The following CSMD2 variants were observed in gnomAD, a reference collection of about 807,000 sequenced individuals.
The protein encoded by CSMD2 is CUB and Sushi multiple domains 2.
In CSMD2, 130 loss-of-function variants were observed where a neutral mutation model predicts 398.5. The observed-to-expected ratio is 0.33, with a 90% confidence interval of 0.28 to 0.38. The LOEUF is 0.38. Among genes scored for constraint, CSMD2 ranks in the 10% least tolerant of loss-of-function variants. The pLI is 1.00. For missense variants in CSMD2, 3,829 were observed against 4,764.9 expected, an observed-to-expected ratio of 0.80 and a Z score of 5.78; for synonymous variants, 1,828 against 1,908.5, an observed-to-expected ratio of 0.96 and a Z score of 1.10.
chr1:34,015,827 C>T (rs1162255021), intron 3 of CSMD2, among the ~76,000 whole-genome samples: 1 of 152,188 alleles, frequency 6.6e-6, no homozygotes, highest in African/African-American at 2.4e-5. Flanking sequence ...TAGAAAGCAT[C>T]TAGAGCAAGC....
chr1:33,654,566 G>A (rs1643892923), intron 27 of CSMD2, among the ~76,000 whole-genome samples: 1 of 152,218 alleles, frequency 6.6e-6, no homozygotes, highest in African/African-American at 2.4e-5. Context: ...AATCCTTCAG[G>A]AGCAGAGGGC....
At chr1:33,707,618 T>A (rs530426405) in intron 22 of CSMD2, among the ~76,000 whole-genome samples, 2 of 152,098 alleles carry the variant, frequency 1.3e-5, no homozygotes, top group East Asian at 3.9e-4. Flanking sequence ...CATGAGTGAA[T>A]CTTCTTGGGT....
At chr1:33,961,971 T>C (rs1645377421) in intron 3 of CSMD2, among the ~76,000 whole-genome samples, 1 of 148,332 alleles carries the variant, frequency 6.7e-6, no homozygotes, top group Admixed American at 6.6e-5. Flanking sequence ...TATTAAGACT[T>C]GGGGATGTTG....
chr1:33,679,526 C>T (rs576960371), intron 25 of CSMD2, among the ~76,000 whole-genome samples: 1 of 152,260 alleles, frequency 6.6e-6, no homozygotes, highest in Non-Finnish European at 1.5e-5. Context: ...AGAGAGCTAA[C>T]TTGGTGACCT....
intron 40 of CSMD2, 45 bp downstream of exon 40, chr1:33,614,459 G>T: frequency 8.8e-7 from 1 of 1,137,824 alleles, no homozygotes; most frequent in Non-Finnish European, 1.3e-6. Flanking sequence ...AAGCTCAAGG[G>T]TCTGGGCTTG....
intron 2 of CSMD2, among the ~76,000 whole-genome samples, chr1:34,042,425 C>G (rs528080595): frequency 1.3e-5 from 2 of 152,184 alleles, no homozygotes; most frequent in African/African-American, 4.8e-5. Flanking sequence ...TCAATAAAAG[C>G]CCAATTTGCT....
At chr1:33,897,763 T>A (rs1642488058) in intron 5 of CSMD2, among the ~76,000 whole-genome samples, 1 of 152,224 alleles carries the variant, frequency 6.6e-6, no homozygotes, top group African/African-American at 2.4e-5. Flanking sequence ...TCACTGAGCG[T>A]CTTTGAGGGA....
At chr1:33,981,977 A>C (rs1244626330) in intron 3 of CSMD2, among the ~76,000 whole-genome samples, 1 of 152,158 alleles carries the variant, frequency 6.6e-6, no homozygotes, top group Non-Finnish European at 1.5e-5. Flanking sequence ...CCCTGATCAG[A>C]GTGGCTGTAA....
At chr1:33,831,960 AACT>A (rs201894236) in intron 6 of CSMD2, among the ~76,000 whole-genome samples, 4,514 of 152,242 alleles carry the variant, frequency 0.03, 111 homozygotes, top group Non-Finnish European at 0.04. Context: ...AAGAAGAGCT[AACT>A]ATCTTAAATA....
intron 1 of CSMD2, among the ~76,000 whole-genome samples, chr1:34,098,701 A>C (rs1405122660): frequency 6.6e-6 from 1 of 152,140 alleles, no homozygotes; most frequent in Non-Finnish European, 1.5e-5. Context: ...TGCTGGATCA[A>C]CTAATAAACT....
At chr1:33,849,494 A>G (rs530357691) in intron 5 of CSMD2, among the ~76,000 whole-genome samples, 1 of 152,288 alleles carries the variant, frequency 6.6e-6, no homozygotes, top group East Asian at 1.9e-4. Context: ...TGGGGGTGAG[A>G]GATAAAGGTT....
intron 56 of CSMD2, among the ~76,000 whole-genome samples, chr1:33,547,051 G>A (rs1459574738): frequency 6.6e-6 from 1 of 152,030 alleles, no homozygotes; most frequent in Non-Finnish European, 1.5e-5. Flanking sequence ...ATCGATGCTG[G>A]GCCTTTCATT....
rs1224555859 is a variant in CSMD2, at chr1:33,700,632, A to G, written c.3618T>C (p.Val1206=). 8 of 1,614,156 alleles carry G rather than the reference A, an allele frequency of 5.0e-6. No individual in the cohort carries two copies. In the South Asian group the frequency reaches 8.8e-5, roughly 18 times the overall value. ...CCCCCATCATCTCAGAATGGCTAAAAACTCCCAGCAAACGGGCGGAGTTGT... is the reference window on the plus strand; with the variant it reads ...CCCCCATCATCTCAGAATGGCTAAAGACTCCCAGCAAACGGGCGGAGTTGT... ...GNNNSARLLG[V]FSHSEMMGVT... The change falls in exon 23 of 71, where the codon GTT becomes GTC. Residue 1206 remains valine, a synonymous_variant. Transcript: ENST00000373381.
chr1:34,137,589 G>T (rs927445422), intron 1 of CSMD2, among the ~76,000 whole-genome samples: 2 of 152,080 alleles, frequency 1.3e-5, no homozygotes, highest in South Asian at 2.1e-4. Flanking sequence ...CTAGCCTGGG[G>T]TGAAGCCCTA....
chr1:33,889,666 A>G (rs1641849040), intron 5 of CSMD2, among the ~76,000 whole-genome samples: 1 of 152,154 alleles, frequency 6.6e-6, no homozygotes, highest in Non-Finnish European at 1.5e-5. Flanking sequence ...ATATATATAT[A>G]TACTGACATT....
intron 64 of CSMD2, among the ~76,000 whole-genome samples, chr1:33,529,175 C>T (rs1455657721): frequency 6.6e-6 from 1 of 152,164 alleles, no homozygotes; most frequent in East Asian, 1.9e-4. Context: ...AAGTCTTGCT[C>T]TGTTATCCAG....
intron 29 of CSMD2, among the ~76,000 whole-genome samples, chr1:33,641,485 T>C (rs1643105219): frequency 1.3e-5 from 2 of 152,218 alleles, no homozygotes; most frequent in South Asian, 4.1e-4. Flanking sequence ...TGTGACTCCA[T>C]TTTGGTAACT....
intron 3 of CSMD2, among the ~76,000 whole-genome samples, chr1:33,957,281 T>C (rs1416457133): frequency 6.6e-6 from 1 of 152,180 alleles, no homozygotes; most frequent in South Asian, 2.1e-4. Flanking sequence ...CAGAGAGCCA[T>C]TGCTCAATAA....
In CSMD2 at chr1:33,707,695, G is replaced by GCGCGCA. The variant is rs1172787777; in HGVS notation, c.3576+1393_3576+1394insTGCGCG. Reference sequence around the variant, plus strand: ...CGCACGCGTGCACACGCGCGCGCGCGCACACACACACACACACACACACAC... The same window carrying GCGCGCA: ...CGCACGCGTGCACACGCGCGCGCGCGCGCGCACACACACACACACACACACACACAC... On this transcript the variant is annotated intron_variant, in intron 22 of 70. Transcript: ENST00000373381. Among the ~76,000 whole-genome samples, 212 of 92,062 alleles carry GCGCGCA rather than the reference G, an allele frequency of 2.3e-3. 2 individuals carry two copies. Among genetic ancestry groups the GCGCGCA allele is most frequent in the Admixed American group, 3.4e-3 (37 of 10,732 alleles). The allele number at this position is 92,062 out of a possible 152,430, so 60.4% of individuals were successfully genotyped here.
Sources: allele counts gnomAD v4.1 joint callset (sites outside exome capture counted in the v4.1 genomes callset), GRCh38; gene constraint gnomAD v4.1.1; transcripts MANE v1.5; gene names NCBI Gene and HGNC (gene_info 2026-07-23, HGNC 2026-07-21).